ARHGEF1: variants seen among roughly 807,000 people sequenced by gnomAD.
ARHGEF1 encodes the protein Rho guanine nucleotide exchange factor 1.
ARHGEF1 carries 40 observed loss-of-function variants against 119.7 expected under a neutral mutation model. That is an observed-to-expected ratio of 0.33 (90% CI 0.26 to 0.44). The LOEUF is 0.44. Among genes scored for constraint, ARHGEF1 ranks in the 20% least tolerant of loss-of-function variants. The probability of loss-of-function intolerance (pLI) is 1.00; values close to 1 mark genes in which losing one functional copy is unlikely to be tolerated. For synonymous variants in ARHGEF1, 494 were observed against 521.0 expected (o/e 0.95, Z 0.71); for missense variants, 976 against 1,268.3 (o/e 0.77, Z 3.50).
At position 41,916,192 on chromosome 19, in the gene ARHGEF1, C is replaced by CCACACAG. The variant is rs2074800473; in HGVS notation, c.1866-6893_1866-6887dup. Among the ~76,000 whole-genome samples, 2 of 151,968 alleles carry CCACACAG rather than the reference C, an allele frequency of 1.3e-5. No homozygotes were observed. The highest frequency in any genetic ancestry group is 2.9e-5 in the Non-Finnish European group (2 of 67,968). ...ACCCAGGCACGCACACCACCACGTC[C>CCACACAG]CACACAGCACACATCGCACAGATGC... On this transcript the variant is annotated intron_variant, in intron 18 of 20. Coordinates refer to the ARHGEF1 transcript ENST00000599589. This position sits in a 1 kb window ranked among gnomAD's most constrained non-coding sequence, Gnocchi z 5.4.
downstream of ARHGEF1, chr19:41,908,578 AG>A (rs2074732834): frequency 2.4e-6 from 3 of 1,231,602 alleles, no homozygotes; most frequent in Non-Finnish European, 3.0e-6. The surrounding 1 kb of genome is among the most constrained non-coding windows in gnomAD (Gnocchi z 6.7). Flanking sequence ...AGCTTGGGGA[AG>A]GGGCCCGTGA....
intron 1 of ARHGEF1, chr19:41,928,720 A>G: frequency 3.0e-6 from 1 of 328,922 alleles, no homozygotes; most frequent in South Asian, 2.2e-5. Context: ...GACTCTAAAT[A>G]AGGTTCGATC....
At chr19:41,926,716 G>C (rs920269227) in intron 1 of ARHGEF1, among the ~76,000 whole-genome samples, 3 of 152,168 alleles carry the variant, frequency 2.0e-5, no homozygotes, top group African/African-American at 4.8e-5. Flanking sequence ...CCGGCCGGGA[G>C]GGGGGAGCGG....
In ARHGEF1 at chr19:41,916,785, CACAG is replaced by C. The variant is rs1273795882; in HGVS notation, c.1866-6303_1866-6300del. 2.0e-5 allele frequency among the ~76,000 whole-genome samples: 3 copies of C among 152,108 alleles called. No individual in the cohort carries two copies. Among genetic ancestry groups the C allele is most frequent in the Non-Finnish European group, 4.4e-5 (3 of 68,020 alleles). ...GCACACGGCCACACACACACCCATT[CACAG>C]ACACAGTCACAATCACACACACACA... is the stretch of plus-strand genomic sequence containing the variant. On this transcript the variant is annotated intron_variant, in intron 18 of 20. Transcript: ENST00000599589. The surrounding 1 kb of genome is among the most constrained non-coding windows in gnomAD (Gnocchi z 5.4).
rs2074680356 is a variant in ARHGEF1 at position 41,905,584 on chromosome 19, C to T, written c.2337-176C>T. On this transcript the variant is annotated intron_variant, in intron 24 of 28. Transcript: ENST00000354532. This position sits in a 1 kb window ranked among gnomAD's most constrained non-coding sequence, Gnocchi z 6.4. Reference sequence around the variant, plus strand: ...CACCACTGCCCCGTCTGTCTCCTGTCTCCAGGCCTCTGTGTCTTCCATTGT... The same window carrying T: ...CACCACTGCCCCGTCTGTCTCCTGTTTCCAGGCCTCTGTGTCTTCCATTGT... 3.0e-6 allele frequency: 2 copies of T among 670,432 alleles called. No homozygotes were observed. Among genetic ancestry groups the T allele is most frequent in the Non-Finnish European group, 5.0e-6 (2 of 397,100 alleles). The allele number at this position is 670,432 out of a possible 1,614,324, so 41.5% of individuals were successfully genotyped here.
intron 1 of ARHGEF1, among the ~76,000 whole-genome samples, chr19:41,925,113 C>A (rs1272138847): frequency 6.6e-6 from 1 of 152,076 alleles, no homozygotes; most frequent in East Asian, 1.9e-4. Context: ...CTAGACCCAG[C>A]TGAAGAGATG....
rs2074395074 is a variant in ARHGEF1 at position 41,892,580 on chromosome 19, A to G, written c.368-23A>G. On this transcript the variant is annotated intron_variant, in intron 6 of 28. Coordinates refer to ENST00000354532, the MANE Select transcript of ARHGEF1 (RefSeq NM_004706.4). The surrounding 1 kb of genome is among the most constrained non-coding windows in gnomAD (Gnocchi z 6.3). The stretch of plus-strand genomic sequence containing the variant: ...CCAAGCCACCAGGGAGCTGGACCCT[A>G]GCCCCCATGTGTGTCCCTGCAGACC... 6 of 1,569,858 alleles carry G rather than the reference A, an allele frequency of 3.8e-6. No homozygotes were observed. Among genetic ancestry groups the G allele is most frequent in the Non-Finnish European group, 5.2e-6 (6 of 1,152,828 alleles).
chr19:41,905,062 G>A lies in ARHGEF1; in HGVS notation c.2249+26G>A. 1 of 1,613,334 alleles carries A rather than the reference G, an allele frequency of 6.2e-7. No homozygotes were observed. ...GTGAGGGGGGGTCTGAGTTCTGAGT[G>A]TGGGTGGAGGACGCCCAGGTTTCTG... On this transcript the variant is annotated intron_variant, in intron 23 of 28. Coordinates refer to ENST00000354532, the MANE Select transcript of ARHGEF1 (RefSeq NM_004706.4). This position sits in a 1 kb window ranked among gnomAD's most constrained non-coding sequence, Gnocchi z 6.4.
chr19:41,928,917 G>T (rs1357632419), exon 2 of ARHGEF1: 2 of 456,238 alleles, frequency 4.4e-6, no homozygotes, highest in Non-Finnish European at 8.8e-6. Flanking sequence ...CCTGGACCGG[G>T]ACTGGAACAC....
chr19:41,885,707 G>A (rs1038925784), intron 1 of ARHGEF1, among the ~76,000 whole-genome samples: 1 of 152,024 alleles, frequency 6.6e-6, no homozygotes, highest in African/African-American at 2.4e-5. Flanking sequence ...TGATCCGCCC[G>A]CCTTGGTCTC....
chr19:41,896,352 C>CGGATCATTAAAAA, intron 12 of ARHGEF1, 25 bp from the exon 13 acceptor site: 1 of 1,275,356 alleles, frequency 7.8e-7, no homozygotes, highest in South Asian at 2.7e-5. Context: ...GCCTTCCAGC[C>CGGATCATTAAAAA]AGCCCTGCTC....
In ARHGEF1 at chr19:41,903,864, C is replaced by A; in HGVS notation, c.1917+80C>A. 1 of 1,483,152 alleles carries A rather than the reference C, an allele frequency of 6.7e-7. No individual in the cohort carries two copies. Among genetic ancestry groups the A allele is most frequent in the Non-Finnish European group, 9.4e-7 (1 of 1,065,876 alleles). The allele number at this position is 1,483,152 out of a possible 1,614,324, so 91.9% of individuals were successfully genotyped here. On this transcript the variant is annotated intron_variant, in intron 20 of 28. Coordinates refer to ENST00000354532, the MANE Select transcript of ARHGEF1 (RefSeq NM_004706.4). This position sits in a 1 kb window ranked among gnomAD's most constrained non-coding sequence, Gnocchi z 4.2. ...TCTGTGATACAGCCCCCAGCCTGTC[C>A]TGCCCATCCCATAATACACCCAGGA...
At chr19:41,919,738 G>A (rs556113630), upstream of ARHGEF1, among the ~76,000 whole-genome samples, 1 of 152,052 alleles carries the variant, frequency 6.6e-6, no homozygotes, top group African/African-American at 2.4e-5. Context: ...CACTCACTTG[G>A]TCCTTCCACC....
chr19:41,885,147 C>T (rs782140452), intron 1 of ARHGEF1, among the ~76,000 whole-genome samples: 12 of 151,964 alleles, frequency 7.9e-5, no homozygotes, highest in Non-Finnish European at 1.6e-4. Context: ...TTGTCAGTTG[C>T]CTATAGATCC....
chr19:41,910,910 C>A (rs181738889), downstream of ARHGEF1, among the ~76,000 whole-genome samples: 1 of 152,316 alleles, frequency 6.6e-6, no homozygotes, highest in East Asian at 1.9e-4. This position sits in a 1 kb window ranked among gnomAD's most constrained non-coding sequence, Gnocchi z 4.4. Flanking sequence ...TCAACAACCC[C>A]ACAGTGCACA....
chr19:41,888,315 G>T lies in ARHGEF1; in HGVS notation c.111+37G>T. 1.2e-6 allele frequency: 2 copies of T among 1,603,240 alleles called. No homozygotes were observed. Among genetic ancestry groups the T allele is most frequent in the Non-Finnish European group, 8.5e-7 (1 of 1,173,342 alleles). On this transcript the variant is annotated intron_variant, in intron 3 of 28. Coordinates refer to ENST00000354532, the MANE Select transcript of ARHGEF1 (RefSeq NM_004706.4). The surrounding 1 kb of genome is among the most constrained non-coding windows in gnomAD (Gnocchi z 5.1). Reference sequence around the variant, plus strand: ...ATAGGGTGGAAAAGCTCTGTCCCAGGCTCAGTGTCCCGCCCCAGGTCCCCT... The same window carrying T: ...ATAGGGTGGAAAAGCTCTGTCCCAGTCTCAGTGTCCCGCCCCAGGTCCCCT...
At chr19:41,901,695 C>T (rs548714421) in intron 14 of ARHGEF1, among the ~76,000 whole-genome samples, 192 bp from the exon 15 acceptor site, 1 of 152,284 alleles carries the variant, frequency 6.6e-6, no homozygotes, top group South Asian at 2.1e-4. Flanking sequence ...TCAAGCAATC[C>T]TCTTGCCTTG....
At chr19:41,901,831 C>T (rs774594466) in intron 14 of ARHGEF1, 56 bp from the exon 15 acceptor site, 1 of 1,579,786 alleles carries the variant, frequency 6.3e-7, no homozygotes, top group Non-Finnish European at 8.6e-7. Flanking sequence ...CCCATGAGGT[C>T]ATGCCCCCTA....
chr19:41,913,744 C>T lies in ARHGEF1; in HGVS notation c.1865+6941C>T, dbSNP rs2074768595. ...GATATCTTACGCCCCTAAGATACTC[C>T]ATCCCCTCCTCACTCCAGTCTCCCC... On this transcript the variant is annotated intron_variant, in intron 18 of 20. Transcript: ENST00000599589. 1.3e-5 allele frequency among the ~76,000 whole-genome samples: 2 copies of T among 150,646 alleles called. 1 individual carries two copies. Among genetic ancestry groups the T allele is most frequent in the South Asian group, 4.2e-4 (2 of 4,714 alleles).
Sources: gnomAD v4.1 joint callset for allele counts (sites outside exome capture counted in the v4.1 genomes callset) on GRCh38, gnomAD v4.1.1 for gene constraint, Gnocchi (gnomAD v3.1) non-coding constraint, MANE v1.5 for transcripts, NCBI Gene and HGNC (gene_info 2026-07-23, HGNC 2026-07-21) for gene names.